DAB1: variants seen among roughly 807,000 people sequenced by gnomAD.
DAB1 encodes disabled homolog 1.
A neutral mutation model predicts 64.6 loss-of-function variants in DAB1; 15 were observed. That is an observed-to-expected ratio of 0.23 (90% confidence interval 0.16 to 0.36). The LOEUF (loss-of-function observed/expected upper bound fraction) is 0.36. Among genes scored for constraint, DAB1 ranks in the 10% least tolerant of loss-of-function variants. The pLI is 1.00. For synonymous variants in DAB1, 235 were observed against 251.9 expected (o/e 0.93, Z 0.64); for missense variants, 596 against 706.7 (o/e 0.84, Z 1.78).
intron 4 of DAB1, among the ~76,000 whole-genome samples, chr1:58,277,869 C>A (rs2100436516): frequency 6.6e-6 from 1 of 152,288 alleles, no homozygotes; most frequent in South Asian, 2.1e-4. Context: ...TAACCCCCAT[C>A]CAATTCTTCC....
chr1:58,490,792 ATTC>A lies in DAB1; in HGVS notation n.257+15265_257+15267del, dbSNP rs1557438596. On this transcript the variant is annotated intron_variant and non_coding_transcript_variant, in intron 3 of 20. Transcript: ENST00000485760. Reference sequence around the variant, plus strand: ...AAGAGAGTGGGGGCCAATAGTCAACATTCTTTTTTTTTTTTTTTTTTTTTTTTT... The same window carrying A: ...AAGAGAGTGGGGGCCAATAGTCAACATTTTTTTTTTTTTTTTTTTTTTTTT... 6.7e-4 allele frequency among the ~76,000 whole-genome samples: 65 copies of A among 97,270 alleles called. 1 individual carries two copies. Among genetic ancestry groups the A allele is most frequent in the African/African-American group, 2.1e-3 (57 of 27,518 alleles). The allele number at this position is 97,270 out of a possible 152,430, so 63.8% of individuals were successfully genotyped here. A position where few individuals can be genotyped will look rare whatever the true frequency, so the allele number is the denominator to read the frequency against.
In DAB1 at chr1:57,684,228, T is replaced by C. The variant is rs527508182; in HGVS notation, n.552-34563A>G. On this transcript the variant is annotated intron_variant and non_coding_transcript_variant, in intron 6 of 20. Transcript: ENST00000485760. ...GATATAGTCTATGAAAATTTCCCTA[T>C]TATAGCTAGAGAGGTTGACATTCAA... Among the ~76,000 whole-genome samples, 16 of 152,234 alleles carry C rather than the reference T, an allele frequency of 1.1e-4. No individual in the cohort carries two copies. In the South Asian group the frequency reaches 3.3e-3, roughly 32 times the overall value.
chr1:58,527,329 A>C (rs771437585), exon 2 of DAB1: 32 of 871,930 alleles, frequency 3.7e-5, no homozygotes, highest in Admixed American at 8.5e-5. Flanking sequence ...GGTCTATTAA[A>C]CATATACTAA....
chr1:58,376,139 T>A (rs535644508), intron 3 of DAB1, among the ~76,000 whole-genome samples: 2 of 152,224 alleles, frequency 1.3e-5, no homozygotes, highest in Non-Finnish European at 2.9e-5. Flanking sequence ...GCTCCTGGGT[T>A]CATTGATTTT....
intron 4 of DAB1, among the ~76,000 whole-genome samples, chr1:58,240,763 G>A (rs1660258188): frequency 6.6e-6 from 1 of 152,164 alleles, no homozygotes; most frequent in African/African-American, 2.4e-5. Context: ...GCCAAGACTT[G>A]GTGGTTACTG....
intron 2 of DAB1, among the ~76,000 whole-genome samples, chr1:58,518,745 G>T (rs564386788): frequency 1.3e-5 from 2 of 152,116 alleles, no homozygotes; most frequent in South Asian, 4.1e-4. Flanking sequence ...GAGAAATTAA[G>T]AATTTAATAT....
At chr1:58,006,693 G>A (rs963631801) in intron 5 of DAB1, among the ~76,000 whole-genome samples, 6 of 152,202 alleles carry the variant, frequency 3.9e-5, no homozygotes, top group Non-Finnish European at 8.8e-5. Context: ...ACAGGGCACC[G>A]CCTTCCTGCC....
chr1:58,252,835 C>G (rs1547750), intron 4 of DAB1, among the ~76,000 whole-genome samples: 3 of 152,048 alleles, frequency 2.0e-5, no homozygotes, highest in Non-Finnish European at 2.9e-5. Flanking sequence ...CCCAGGGCCC[C>G]GAAGCACTTA....
In DAB1 at chr1:57,538,488, G is replaced by T. The variant is rs769295086; in HGVS notation, n.625+111104C>A. 5.9e-5 allele frequency among the ~76,000 whole-genome samples: 9 copies of T among 152,130 alleles called. 1 individual carries two copies. Among genetic ancestry groups the T allele is most frequent in the Admixed American group, 2.6e-4 (4 of 15,282 alleles). On this transcript the variant is annotated intron_variant and non_coding_transcript_variant, in intron 7 of 20. Transcript: ENST00000485760. ...CCAGCAGCAGGAAGAGTGCTCTCTCGGTTTATCATGATTGCTATCCACACC... is the reference window on the plus strand; with the variant it reads ...CCAGCAGCAGGAAGAGTGCTCTCTCTGTTTATCATGATTGCTATCCACACC...
chr1:57,329,678 A>T (rs1377506925), intron 1 of DAB1, among the ~76,000 whole-genome samples: 1 of 146,736 alleles, frequency 6.8e-6, no homozygotes, highest in African/African-American at 2.5e-5. Flanking sequence ...AAAAAAAAAA[A>T]AACCCACAAA....
chr1:58,491,776 A>T (rs928245594), intron 3 of DAB1, among the ~76,000 whole-genome samples: 2 of 152,232 alleles, frequency 1.3e-5, no homozygotes, highest in African/African-American at 2.4e-5. Flanking sequence ...AAGTCCTTAG[A>T]GACCTACAAA....
At position 58,227,104 on chromosome 1, in the gene DAB1, G is replaced by T. The variant is rs140967433; in HGVS notation, n.310-76516C>A. Among the ~76,000 whole-genome samples the T allele has an allele frequency of 1.4e-4, 21 of 152,308 alleles. No individual in the cohort carries two copies. The East Asian group carries it at 4.0e-3, about 29-fold the overall frequency. ...AAGACAGTAGAGCTGGCTAAATGTAGAATTATTTTCAAACGCAGAAATATC... is the reference window on the plus strand; with the variant it reads ...AAGACAGTAGAGCTGGCTAAATGTATAATTATTTTCAAACGCAGAAATATC... On this transcript the variant is annotated intron_variant and non_coding_transcript_variant, in intron 4 of 20. Transcript: ENST00000485760.
chr1:57,088,667 T>G (rs1248701233), intron 4 of DAB1, among the ~76,000 whole-genome samples: 5 of 152,176 alleles, frequency 3.3e-5, no homozygotes, highest in Non-Finnish European at 7.3e-5. Context: ...ACTCAAGCTC[T>G]CACTATTTCC....
chr1:57,615,696 C>G (rs1448681366), intron 7 of DAB1, among the ~76,000 whole-genome samples: 2 of 19,432 alleles, frequency 1.0e-4, no homozygotes, highest in Non-Finnish European at 2.3e-4. Flanking sequence ...AGAATTGAGT[C>G]AAAGAAAAAA....
At chr1:58,266,675 A>G (rs1289056042) in intron 4 of DAB1, among the ~76,000 whole-genome samples, 1 of 152,232 alleles carries the variant, frequency 6.6e-6, no homozygotes, top group Non-Finnish European at 1.5e-5. Flanking sequence ...TAAGAATCCT[A>G]TGAATCCATG....
intron 4 of DAB1, among the ~76,000 whole-genome samples, chr1:57,101,975 C>T (rs529605872): frequency 2.0e-5 from 3 of 152,290 alleles, no homozygotes; most frequent in Admixed American, 2.0e-4. Flanking sequence ...AGATTTGAAT[C>T]CAGGCTGTCT....
At chr1:57,658,719 C>T (rs924146020) in intron 6 of DAB1, among the ~76,000 whole-genome samples, 13 of 152,176 alleles carry the variant, frequency 8.5e-5, no homozygotes, top group Non-Finnish European at 1.5e-4. Flanking sequence ...TATGTCACCA[C>T]GCCCAGCTAA....
At chr1:57,715,524 A>T (rs1462280240) in intron 6 of DAB1, among the ~76,000 whole-genome samples, 1 of 152,212 alleles carries the variant, frequency 6.6e-6, no homozygotes, top group East Asian at 1.9e-4. Context: ...TAACATCATG[A>T]TATATACGTA....
intron 1 of DAB1, among the ~76,000 whole-genome samples, chr1:57,330,927 C>A (rs1235825293): frequency 6.6e-6 from 1 of 152,162 alleles, no homozygotes; most frequent in African/African-American, 2.4e-5. Flanking sequence ...ACTGTCTCAT[C>A]TCTGTAGAGC....
Sources: gnomAD v4.1 joint callset for allele counts (sites outside exome capture counted in the v4.1 genomes callset) on GRCh38, gnomAD v4.1.1 for gene constraint, MANE v1.5 for transcripts, NCBI Gene and HGNC (gene_info 2026-07-23, HGNC 2026-07-21) for gene names.